The following PACS1 variants were observed in gnomAD, a reference collection of about 807,000 sequenced individuals.
PACS1 encodes the protein phosphofurin acidic cluster sorting protein 1, also known as PACS-1.
A neutral mutation model predicts 115.0 loss-of-function variants in PACS1; 24 were observed. The ratio of observed to expected loss-of-function variants is 0.21; its 90% confidence interval spans 0.15 to 0.29. PACS1 has a LOEUF of 0.29. Ranked by LOEUF, PACS1 falls within the 10% of genes least tolerant of loss-of-function variation. PACS1 has a pLI of 1.00. For synonymous variants in PACS1, 453 were observed against 504.5 expected, an observed-to-expected ratio of 0.90 and a Z score of 1.37; for missense variants, 838 against 1,251.2, an observed-to-expected ratio of 0.67 and a Z score of 4.98.
intron 1 of PACS1, among the ~76,000 whole-genome samples, chr11:66,128,348 A>T (rs1304083279): frequency 6.6e-6 from 1 of 152,236 alleles, no homozygotes; most frequent in Non-Finnish European, 1.5e-5. Flanking sequence ...AAAATTGTGG[A>T]TACATTTTAA....
intron 1 of PACS1, among the ~76,000 whole-genome samples, chr11:66,187,554 G>A (rs1854412107): frequency 6.6e-6 from 1 of 152,152 alleles, no homozygotes; most frequent in Non-Finnish European, 1.5e-5. Flanking sequence ...GTGAGATCAT[G>A]CAGTGTTTTA....
chr11:66,233,053 C>T lies in PACS1; in HGVS notation c.1825C>T (p.Arg609Trp), dbSNP rs770308805. 6.8e-6 allele frequency: 11 copies of T among 1,608,572 alleles called. No homozygotes were observed. The highest frequency in any genetic ancestry group is 1.1e-5 in the South Asian group (1 of 91,066). The change falls in exon 15 of 24, where the codon CGG (arginine) becomes TGG (tryptophan). Residue 609 changes from arginine to tryptophan, a missense_variant. By Grantham distance (101) the Arg-to-Trp change is moderately radical. Transcript: ENST00000320580. This position sits in a 1 kb window ranked among gnomAD's most constrained non-coding sequence, Gnocchi z 4.5. ...VQAVLSALLTRIQRYCNCNSS... is the reference protein window; with the variant it reads ...VQAVLSALLTWIQRYCNCNSS... ...GGCCGTGCTGTCCGCCCTGCTCACC[C>T]GGATCCAGCGCTAGTAAGGGCTCTG...
At chr11:66,158,414 TA>T (rs1859409487) in intron 1 of PACS1, among the ~76,000 whole-genome samples, 2 of 152,234 alleles carry the variant, frequency 1.3e-5, no homozygotes, top group Admixed American at 1.3e-4. Context: ...AGTTGGAAGA[TA>T]GGCCGGGCGT....
chr11:66,193,317 AAC>A (rs1854571266), intron 1 of PACS1, among the ~76,000 whole-genome samples, 167 bp from the exon 2 acceptor site: 1 of 152,138 alleles, frequency 6.6e-6, no homozygotes. Flanking sequence ...TAAAAGTATA[AAC>A]ATTAAGTAAG....
In PACS1 at chr11:66,238,692, C is replaced by T. The variant is rs961896576; in HGVS notation, c.2251-112C>T. On this transcript the variant is annotated intron_variant, in intron 19 of 23. Coordinates refer to ENST00000320580, the MANE Select transcript of PACS1 (RefSeq NM_018026.4). ...AGATTTGCAAAGATTTTAAAGTCGG[C>T]AATAAAATAATGTGTAGTGATGGCT... is the stretch of plus-strand genomic sequence containing the variant. 6 of 1,010,262 alleles carry T rather than the reference C, an allele frequency of 5.9e-6. No homozygotes were observed. In the African/African-American group the frequency reaches 8.0e-5, roughly 13 times the overall value. The allele number at this position is 1,010,262 out of a possible 1,614,324, so 62.6% of individuals were successfully genotyped here.
Position 66,243,358 on chromosome 11 carries a change from C to A in PACS1, c.*78C>A. ...CTGCGGGCAGGGGGAGGCCAGCAGG[C>A]CCGGGCCCAGCACCCCTTCCCTGGC... is the stretch of plus-strand genomic sequence containing the variant. On this transcript the variant is annotated 3_prime_UTR_variant, in exon 24 of 24. Coordinates refer to ENST00000320580, the MANE Select transcript of PACS1 (RefSeq NM_018026.4). The A allele has an allele frequency of 2.0e-6, 2 of 983,172 alleles. No homozygotes were observed. The highest frequency in any genetic ancestry group is 1.5e-6 in the Non-Finnish European group (1 of 649,302). The allele number at this position is 983,172 out of a possible 1,614,324, so 60.9% of individuals were successfully genotyped here. A position where few individuals can be genotyped will look rare whatever the true frequency, so the allele number is the denominator to read the frequency against.
Position 66,070,354 on chromosome 11 carries a change from C to A in PACS1, c.-133C>A. The A allele has an allele frequency of 2.5e-6, 1 of 399,554 alleles. No homozygotes were observed. The highest frequency in any genetic ancestry group is 3.8e-6 in the Non-Finnish European group (1 of 260,320). 24.8% of individuals were successfully genotyped at this position (399,554 alleles called of 1,614,324 possible). On this transcript the variant is annotated 5_prime_UTR_variant, in exon 1 of 24. Coordinates refer to ENST00000320580, the MANE Select transcript of PACS1 (RefSeq NM_018026.4). This position sits in a 1 kb window ranked among gnomAD's most constrained non-coding sequence, Gnocchi z 5.9. The stretch of plus-strand genomic sequence containing the variant: ...CGCCCAGAGGCCCCGCGCGTGCGTG[C>A]AGCTCGCTGGCTGCTCGCGCTCGGG...
chr11:66,244,451 A>C lies in PACS1; in HGVS notation c.*1171A>C, dbSNP rs1855880421. The stretch of plus-strand genomic sequence containing the variant: ...TCCGTGTTCTCAGGAGTGGTTGAGG[A>C]CACAGGGCCCCAGCCCAGCCCTCTG... On this transcript the variant is annotated 3_prime_UTR_variant, in exon 24 of 24. Coordinates refer to ENST00000320580, the MANE Select transcript of PACS1 (RefSeq NM_018026.4). 6.6e-6 allele frequency: 1 copy of C among 152,236 alleles called. No homozygotes were observed. Among genetic ancestry groups the C allele is most frequent in the Non-Finnish European group, 1.5e-5 (1 of 68,100 alleles). The allele number at this position is 152,236 out of a possible 1,614,324, so 9.4% of individuals were successfully genotyped here.
At chr11:66,084,383 C>T (rs1418713121) in intron 1 of PACS1, among the ~76,000 whole-genome samples, 1 of 152,186 alleles carries the variant, frequency 6.6e-6, no homozygotes, top group Non-Finnish European at 1.5e-5. Context: ...AACAGGTGAT[C>T]TCACAGGCCA....
At chr11:66,097,872 CTT>C (rs1857821660) in intron 1 of PACS1, among the ~76,000 whole-genome samples, 1 of 152,094 alleles carries the variant, frequency 6.6e-6, no homozygotes, top group Non-Finnish European at 1.5e-5. Flanking sequence ...CTGTTCAAGT[CTT>C]TTTCTTATTT....
chr11:66,162,162 C>A, intron 1 of PACS1, among the ~76,000 whole-genome samples: 1 of 135,980 alleles, frequency 7.4e-6, no homozygotes, highest in Non-Finnish European at 1.5e-5. Context: ...GTCTCTGTCG[C>A]CCAAGCTGGC....
At chr11:66,237,708 C>A (rs189972467) in intron 19 of PACS1, among the ~76,000 whole-genome samples, 20 of 152,214 alleles carry the variant, frequency 1.3e-4, no homozygotes, top group African/African-American at 4.8e-4. Context: ...GCCTCGCAAC[C>A]GAGAGAGACA....
At chr11:66,195,390 T>C (rs560562391) in intron 2 of PACS1, among the ~76,000 whole-genome samples, 1 of 152,268 alleles carries the variant, frequency 6.6e-6, no homozygotes, top group East Asian at 1.9e-4. Flanking sequence ...TATTAGTGTC[T>C]TGTCCTCCTC....
At chr11:66,208,674 G>A (rs3016320) in intron 2 of PACS1, among the ~76,000 whole-genome samples, 87,770 of 134,244 alleles carry the variant, frequency 0.65, 27,217 homozygotes, top group African/African-American at 0.75. Context: ...AAAAAAAAAA[G>A]AAGAAGAAAA....
intron 2 of PACS1, among the ~76,000 whole-genome samples, chr11:66,200,561 A>C (rs192932432): frequency 6.6e-6 from 1 of 152,336 alleles, no homozygotes. Flanking sequence ...TGATAAGTTC[A>C]TTATATAATG....
chr11:66,082,978 A>G (rs1055242314), intron 1 of PACS1, among the ~76,000 whole-genome samples: 1 of 152,240 alleles, frequency 6.6e-6, no homozygotes, highest in African/African-American at 2.4e-5. Context: ...AGCAGCTCTC[A>G]TATCAGCCAC....
chr11:66,070,864 G>A lies in PACS1; in HGVS notation c.356+22G>A, dbSNP rs1333056249. 1.4e-6 allele frequency: 2 copies of A among 1,428,816 alleles called. No individual in the cohort carries two copies. Among genetic ancestry groups the A allele is most frequent in the South Asian group, 1.4e-5 (1 of 69,046 alleles). The allele number at this position is 1,428,816 out of a possible 1,614,324, so 88.5% of individuals were successfully genotyped here. On this transcript the variant is annotated intron_variant, in intron 1 of 23. Coordinates refer to ENST00000320580, the MANE Select transcript of PACS1 (RefSeq NM_018026.4). This position sits in a 1 kb window ranked among gnomAD's most constrained non-coding sequence, Gnocchi z 5.9. ...CTAGGTGAGCGCGGGAGGGTGCGGC[G>A]GGGCGCCGGGGGAGCGGGGTGGCCG...
chr11:66,220,870 C>A, intron 9 of PACS1, 79 bp downstream of exon 9: 1 of 1,412,292 alleles, frequency 7.1e-7, no homozygotes, highest in Non-Finnish European at 9.7e-7. Flanking sequence ...CCTCGCTGTC[C>A]CCTCTATTAC....
intron 1 of PACS1, among the ~76,000 whole-genome samples, chr11:66,078,786 T>G (rs913013809): frequency 7.9e-5 from 12 of 152,236 alleles, no homozygotes; most frequent in African/African-American, 2.7e-4. Flanking sequence ...ACTCCTGGGC[T>G]CAAGCAATCC....
Sources: allele counts gnomAD v4.1 joint callset (sites outside exome capture counted in the v4.1 genomes callset), GRCh38; gene constraint gnomAD v4.1.1; non-coding constraint Gnocchi (gnomAD v3.1); transcripts MANE v1.5; gene names NCBI Gene and HGNC (gene_info 2026-07-23, HGNC 2026-07-21).